Variants in PLPP3 observed in about 807,000 individuals in gnomAD.
PLPP3 encodes the protein phospholipid phosphatase 3, also known as PAP2 beta.
Under a neutral mutation model 29.6 loss-of-function variants are expected in PLPP3, and 6 were observed. The ratio of observed to expected loss-of-function variants is 0.20; its 90% CI spans 0.11 to 0.40. The LOEUF (loss-of-function observed/expected upper bound fraction) is 0.40. Among genes scored for constraint, PLPP3 ranks in the 10% least tolerant of loss-of-function variants. The pLI is 1.00. For missense variants in PLPP3, 308 were observed against 407.7 expected, an observed-to-expected ratio of 0.76 and a Z score of 2.11; for synonymous variants, 152 against 159.7, an observed-to-expected ratio of 0.95 and a Z score of 0.36.
chr1:56,534,440 C>G (rs114177081), intron 2 of PLPP3, among the ~76,000 whole-genome samples: 1 of 152,268 alleles, frequency 6.6e-6, no homozygotes, highest in African/African-American at 2.4e-5. Context: ...TGGGGACCAT[C>G]TGAATGGGAG....
chr1:56,518,129 G>A (rs982381983), intron 4 of PLPP3, among the ~76,000 whole-genome samples: 1 of 152,152 alleles, frequency 6.6e-6, no homozygotes, highest in African/African-American at 2.4e-5. Flanking sequence ...TGTGTGGTGG[G>A]GTGAGTGAAT....
chr1:56,573,736 T>G (rs1646216119), intron 1 of PLPP3, among the ~76,000 whole-genome samples: 1 of 152,208 alleles, frequency 6.6e-6, no homozygotes, highest in Non-Finnish European at 1.5e-5. Context: ...TGGATTGAAC[T>G]GACACACAGG....
At chr1:56,519,044 G>A (rs967613636) in intron 4 of PLPP3, among the ~76,000 whole-genome samples, 26 of 151,574 alleles carry the variant, frequency 1.7e-4, no homozygotes, top group African/African-American at 5.8e-4. Context: ...GGTGGGGTGC[G>A]GGGAGAACAG....
intron 1 of PLPP3, among the ~76,000 whole-genome samples, chr1:56,559,246 T>C (rs17114110): frequency 0.027 from 4,142 of 152,304 alleles, 105 homozygotes; most frequent in East Asian, 0.13. Flanking sequence ...TTCTGTGTGT[T>C]GCTTCCAGGA....
chr1:56,565,727 C>T (rs565161332), intron 1 of PLPP3, among the ~76,000 whole-genome samples: 1 of 152,166 alleles, frequency 6.6e-6, no homozygotes, highest in South Asian at 2.1e-4. Flanking sequence ...GGCCTAAAGC[C>T]CCTCCTTTCT....
intron 1 of PLPP3, among the ~76,000 whole-genome samples, chr1:56,541,402 A>T (rs890079500): frequency 2.6e-5 from 4 of 152,208 alleles, no homozygotes; most frequent in Non-Finnish European, 5.9e-5. Context: ...CATTTACTAA[A>T]CAGTTAGTAA....
In PLPP3 at chr1:56,524,806, ATGTGTGTGTGTG is replaced by A. The variant is rs3835682; in HGVS notation, c.298-264_298-253del. 6.8e-6 allele frequency among the ~76,000 whole-genome samples: 1 copy of A among 148,142 alleles called. No individual in the cohort carries two copies. Among genetic ancestry groups the A allele is most frequent in the Non-Finnish European group, 1.5e-5 (1 of 66,896 alleles). On this transcript the variant is annotated intron_variant, in intron 2 of 5. Transcript: ENST00000371250. This position sits in a 1 kb window ranked among gnomAD's most constrained non-coding sequence, Gnocchi z 4.3. ...AATATATTTATATGTATATATGTGT[ATGTGTGTGTGTG>A]TGTGTGTGTGTGTGTATCTTTTTTT...
At chr1:56,573,778 A>G (rs1008937695) in intron 1 of PLPP3, among the ~76,000 whole-genome samples, 2 of 152,244 alleles carry the variant, frequency 1.3e-5, no homozygotes, top group African/African-American at 4.8e-5. Flanking sequence ...AACTGCCTAC[A>G]CAGGGAAGAA....
At chr1:56,508,938 G>A (rs1376000264) in intron 5 of PLPP3, among the ~76,000 whole-genome samples, 1 of 152,158 alleles carries the variant, frequency 6.6e-6, no homozygotes, top group Non-Finnish European at 1.5e-5. Context: ...GCTTACGGCT[G>A]GAAAAGACAC....
intron 1 of PLPP3, among the ~76,000 whole-genome samples, chr1:56,573,217 C>A (rs1408480751): frequency 6.6e-6 from 1 of 152,184 alleles, no homozygotes; most frequent in Non-Finnish European, 1.5e-5. Flanking sequence ...CGGTTTACAA[C>A]CAGAAAATAC....
At chr1:56,507,534 A>G (rs1043369572) in intron 5 of PLPP3, among the ~76,000 whole-genome samples, 1 of 151,928 alleles carries the variant, frequency 6.6e-6, no homozygotes, top group African/African-American at 2.4e-5. Context: ...GCAGGCCATG[A>G]GTAGATGAGG....
intron 4 of PLPP3, among the ~76,000 whole-genome samples, chr1:56,519,746 GT>G (rs112097512): frequency 0.1 from 14,431 of 139,738 alleles, 843 homozygotes; most frequent in South Asian, 0.18. Flanking sequence ...CTGTGGGTTT[GT>G]TTTTTTTTTT....
In PLPP3 at chr1:56,579,271, G is replaced by C. The variant is rs1159243067; in HGVS notation, c.-255C>G. On this transcript the variant is annotated 5_prime_UTR_variant, in exon 1 of 6. Transcript: ENST00000371250. ...ATCGTTCTAAAGTCCAAGGGGAAGA[G>C]AGCCAGATCCCGAGCAGAAACTTTT... 2.2e-6 allele frequency: 1 copy of C among 457,760 alleles called. No individual in the cohort carries two copies. Among genetic ancestry groups the C allele is most frequent in the East Asian group, 4.5e-5 (1 of 22,000 alleles). The allele number at this position is 457,760 out of a possible 1,614,324, so 28.4% of individuals were successfully genotyped here.
In PLPP3 at chr1:56,495,037, C is replaced by T. The variant is rs1341482922; in HGVS notation, c.*1514G>A. The T allele has an allele frequency of 1.3e-5, 2 of 152,474 alleles. No homozygotes were observed. The highest frequency in any genetic ancestry group is 2.9e-5 in the Non-Finnish European group (2 of 68,022). The allele number at this position is 152,474 out of a possible 1,614,324, so 9.4% of individuals were successfully genotyped here. A position where few individuals can be genotyped will look rare whatever the true frequency, so the allele number is the denominator to read the frequency against. The stretch of plus-strand genomic sequence containing the variant: ...TTTTTTAAGCAGCTAATGTAAATAA[C>T]ACAGGTCGAGACACAGTTTATAATC... On this transcript the variant is annotated 3_prime_UTR_variant, in exon 6 of 6. Coordinates refer to ENST00000371250, the MANE Select transcript of PLPP3 (RefSeq NM_003713.5).
At chr1:56,531,974 A>G (rs144891255) in intron 2 of PLPP3, among the ~76,000 whole-genome samples, 4 of 152,330 alleles carry the variant, frequency 2.6e-5, no homozygotes, top group African/African-American at 7.2e-5. Context: ...CCTCCTAAGC[A>G]TTATGACTTC....
Position 56,507,849 on chromosome 1 carries a change from T to C in PLPP3, c.810+4127A>G, listed in dbSNP as rs180989812. Reference sequence around the variant, plus strand: ...ATGGATGCAAAGGCCAGAGAAAGTATATGTGTGTGTGAGAGAGAGAGGGAG... The same window carrying C: ...ATGGATGCAAAGGCCAGAGAAAGTACATGTGTGTGTGAGAGAGAGAGGGAG... On this transcript the variant is annotated intron_variant, in intron 5 of 5. Transcript: ENST00000371250. Among the ~76,000 whole-genome samples the C allele has an allele frequency of 3.3e-5, 5 of 152,092 alleles. No homozygotes were observed. The East Asian group carries it at 9.7e-4, about 29-fold the overall frequency.
At chr1:56,560,790 A>C (rs1445473241) in intron 1 of PLPP3, among the ~76,000 whole-genome samples, 1 of 140,612 alleles carries the variant, frequency 7.1e-6, no homozygotes, top group Non-Finnish European at 1.5e-5. Context: ...CACCTTGCCT[A>C]TGTTTTCCCT....
At position 56,579,299 on chromosome 1, in the gene PLPP3, A is replaced by C; in HGVS notation, c.-283T>G. The C allele has an allele frequency of 2.6e-6, 1 of 387,646 alleles. No individual in the cohort carries two copies. 24.0% of individuals were successfully genotyped at this position (387,646 alleles called of 1,614,324 possible). On this transcript the variant is annotated 5_prime_UTR_variant, in exon 1 of 6. Transcript: ENST00000371250. ...CCAGATCCCGAGCAGAAACTTTTGC[A>C]GAGCTGCGCAGCTTGGGGCGCGCTG...
intron 2 of PLPP3, among the ~76,000 whole-genome samples, chr1:56,531,411 A>C (rs952360666): frequency 1.3e-5 from 2 of 152,206 alleles, no homozygotes; most frequent in Middle Eastern, 3.2e-3. Flanking sequence ...TGTATTTTAC[A>C]CATCAGCTTA....
Sources: allele counts gnomAD v4.1 joint callset (sites outside exome capture counted in the v4.1 genomes callset), GRCh38; gene constraint gnomAD v4.1.1; non-coding constraint Gnocchi (gnomAD v3.1); transcripts MANE v1.5; gene names NCBI Gene and HGNC (gene_info 2026-07-23, HGNC 2026-07-21).